The following TSHZ3 variants were observed in gnomAD, a reference collection of about 807,000 sequenced individuals.
TSHZ3 encodes teashirt zinc finger homeobox 3.
A neutral mutation model predicts 64.5 loss-of-function variants in TSHZ3; 10 were observed. That is an observed-to-expected ratio of 0.16 (90% CI 0.10 to 0.26). The LOEUF is 0.26. TSHZ3 is among the 10% of genes least tolerant of loss of function. The pLI is 1.00. For missense variants in TSHZ3, 1,242 were observed against 1,421.7 expected (o/e 0.87, Z 2.03); for synonymous variants, 608 against 593.1 (o/e 1.03, Z -0.36).
At chr19:31,170,986 C>A (rs541782434) in intron 5 of TSHZ3, among the ~76,000 whole-genome samples, 1 of 152,066 alleles carries the variant, frequency 6.6e-6, no homozygotes, top group Non-Finnish European at 1.5e-5. Flanking sequence ...ACAGTGGAAC[C>A]CTTCAATGGA....
At chr19:31,218,544 C>T (rs1975360402) in intron 4 of TSHZ3, among the ~76,000 whole-genome samples, 1 of 152,190 alleles carries the variant, frequency 6.6e-6, no homozygotes, top group African/African-American at 2.4e-5. Context: ...TGCAGTCTCA[C>T]TCCTAGATAT....
rs923966514 is a variant in TSHZ3, at chr19:31,303,138, T to C, written c.41-23386A>G. 2.6e-5 allele frequency among the ~76,000 whole-genome samples: 4 copies of C among 152,230 alleles called. No homozygotes were observed. The East Asian group carries it at 7.7e-4, about 29-fold the overall frequency. ...AACAAAGCTACACCAAATGAATGAA[T>C]ATACTGGGCAAAGGTGGCCCAGGCT... On this transcript the variant is annotated intron_variant, in intron 1 of 1. Transcript: ENST00000240587.
rs1232116435 is a variant in TSHZ3, at chr19:31,187,843, C to G, written n.809+17113G>C. Among the ~76,000 whole-genome samples the G allele has an allele frequency of 3.3e-5, 5 of 152,068 alleles. 1 individual carries two copies. Among genetic ancestry groups the G allele is most frequent in the African/African-American group, 1.2e-4 (5 of 41,434 alleles). On this transcript the variant is annotated intron_variant and non_coding_transcript_variant, in intron 5 of 6. Coordinates refer to the TSHZ3 transcript ENST00000651361. ...TGATAACTTTAGTTTCACAGGCAGT[C>G]TTAAAATCAGGTAGTGTAAGTTATT...
chr19:31,260,229 T>A (rs577890601), intron 1 of TSHZ3, among the ~76,000 whole-genome samples: 2 of 152,072 alleles, frequency 1.3e-5, no homozygotes, highest in South Asian at 4.2e-4. Context: ...GCATCCTGAG[T>A]TCCCCTCTTG....
intron 3 of TSHZ3, among the ~76,000 whole-genome samples, chr19:31,229,169 C>G (rs1217440074): frequency 6.6e-6 from 1 of 152,146 alleles, no homozygotes; most frequent in East Asian, 1.9e-4. Flanking sequence ...AATTCCAATC[C>G]AAATTTTAAT....
At chr19:31,266,428 G>A (rs2145202744) in intron 1 of TSHZ3, among the ~76,000 whole-genome samples, 1 of 152,252 alleles carries the variant, frequency 6.6e-6, no homozygotes, top group South Asian at 2.1e-4. Flanking sequence ...TGCACCACTT[G>A]AAGTCCTTGA....
intron 1 of TSHZ3, among the ~76,000 whole-genome samples, chr19:31,334,226 AC>A (rs1917177706): frequency 6.6e-6 from 1 of 152,184 alleles, no homozygotes; most frequent in Admixed American, 6.5e-5. Flanking sequence ...AGAAAATAAC[AC>A]CACCGCAGCC....
intron 1 of TSHZ3, among the ~76,000 whole-genome samples, chr19:31,322,365 G>A (rs1916797606): frequency 6.6e-6 from 1 of 152,130 alleles, no homozygotes; most frequent in Non-Finnish European, 1.5e-5. Flanking sequence ...TCAAACTCCT[G>A]CCTTTGCCTC....
chr19:31,276,405 A>G lies in TSHZ3; in HGVS notation c.*142T>C. The G allele has an allele frequency of 1.3e-6, 1 of 785,084 alleles. No individual in the cohort carries two copies. Among genetic ancestry groups the G allele is most frequent in the Middle Eastern group, 3.7e-4 (1 of 2,678 alleles). The allele number at this position is 785,084 out of a possible 1,614,324, so 48.6% of individuals were successfully genotyped here. The stretch of plus-strand genomic sequence containing the variant: ...CACCTCTATTAAACACTGTACAGTT[A>G]TACAAAACAGTCCAGCCCAGAGTGA... On this transcript the variant is annotated 3_prime_UTR_variant, in exon 2 of 2. Coordinates refer to ENST00000240587, the MANE Select transcript of TSHZ3 (RefSeq NM_020856.4).
intron 1 of TSHZ3, among the ~76,000 whole-genome samples, chr19:31,348,620 G>T (rs975857868): frequency 3.3e-5 from 5 of 152,180 alleles, no homozygotes. Flanking sequence ...ATCTAACATG[G>T]ACTTGACAGT....
Position 31,278,236 on chromosome 19 carries a change from C to G in TSHZ3, c.1557G>C (p.Gly519=). 1 of 1,614,072 alleles carries G rather than the reference C, an allele frequency of 6.2e-7. No individual in the cohort carries two copies. The change falls in exon 2 of 2, where the codon GGG becomes GGC. Residue 519 remains glycine, a synonymous_variant. Coordinates refer to ENST00000240587, the MANE Select transcript of TSHZ3 (RefSeq NM_020856.4). The surrounding 1 kb of genome is among the most constrained non-coding windows in gnomAD (Gnocchi z 4.7). ...TTTCCAAGGATTTGAGGATATCAAG[C>G]CCCCCCTTGGGACTCTCTTCTAAGT... is the stretch of plus-strand genomic sequence containing the variant. ...ENDLEESPKG[G]LDILKSLENT...
chr19:31,266,810 G>A (rs1976059339), intron 1 of TSHZ3, among the ~76,000 whole-genome samples: 1 of 152,220 alleles, frequency 6.6e-6, no homozygotes, highest in South Asian at 2.1e-4. Flanking sequence ...GTGACACCAT[G>A]AGCCTCACCA....
chr19:31,291,805 G>A (rs988118607), intron 1 of TSHZ3, among the ~76,000 whole-genome samples: 6 of 152,166 alleles, frequency 3.9e-5, no homozygotes, highest in African/African-American at 1.4e-4. Flanking sequence ...CTGGAGGAGT[G>A]CTTCACTGCT....
intron 1 of TSHZ3, among the ~76,000 whole-genome samples, chr19:31,316,865 T>C (rs1295657333): frequency 6.6e-6 from 1 of 152,160 alleles, no homozygotes; most frequent in Non-Finnish European, 1.5e-5. Flanking sequence ...ACAGTCTTTC[T>C]AGTCGTTTTC....
chr19:31,340,731 T>C (rs1917409041), intron 1 of TSHZ3, among the ~76,000 whole-genome samples: 1 of 152,146 alleles, frequency 6.6e-6, no homozygotes, highest in Non-Finnish European at 1.5e-5. Flanking sequence ...GGGCTGCAGG[T>C]TTGCAGCCCA....
intron 1 of TSHZ3, among the ~76,000 whole-genome samples, chr19:31,247,974 C>T (rs1280552014): frequency 2.6e-5 from 4 of 152,158 alleles, no homozygotes; most frequent in Admixed American, 2.6e-4. Flanking sequence ...CACAGTTCCA[C>T]ATGGCTGGGG....
intron 1 of TSHZ3, among the ~76,000 whole-genome samples, chr19:31,262,911 T>C (rs148309923): frequency 7.9e-5 from 12 of 152,350 alleles, no homozygotes; most frequent in Admixed American, 6.5e-4. Context: ...CAAGAGCTGA[T>C]GGACGCAACA....
rs544845025 is a variant in TSHZ3 at position 31,159,356 on chromosome 19, C to T, written n.810-2939G>A. On this transcript the variant is annotated intron_variant and non_coding_transcript_variant, in intron 5 of 6. Coordinates refer to the TSHZ3 transcript ENST00000651361. ...ATTACAGATTATCTAGATCACATCCCTATCTTAAAATCAGCTGGCTAGCAA... is the reference window on the plus strand; with the variant it reads ...ATTACAGATTATCTAGATCACATCCTTATCTTAAAATCAGCTGGCTAGCAA... Among the ~76,000 whole-genome samples, 322 of 152,282 alleles carry T rather than the reference C, an allele frequency of 2.1e-3. 2 individuals carry two copies. The highest frequency in any genetic ancestry group is 2.1e-3 in the Non-Finnish European group (140 of 68,022).
At chr19:31,188,364 A>C (rs1974845514) in intron 5 of TSHZ3, among the ~76,000 whole-genome samples, 1 of 151,814 alleles carries the variant, frequency 6.6e-6, no homozygotes, top group African/African-American at 2.4e-5. Flanking sequence ...TGAATTTTAT[A>C]TATTTTTCTG....
Sources: allele counts gnomAD v4.1 joint callset (sites outside exome capture counted in the v4.1 genomes callset), GRCh38; gene constraint gnomAD v4.1.1; non-coding constraint Gnocchi (gnomAD v3.1); transcripts MANE v1.5; gene names NCBI Gene and HGNC (gene_info 2026-07-23, HGNC 2026-07-21).